The following ATP8A1 variants were observed in gnomAD, a reference collection of about 807,000 sequenced individuals.
ATP8A1 encodes ATPase phospholipid transporting 8A1.
Under a neutral mutation model 177.7 loss-of-function variants are expected in ATP8A1, and 90 were observed. That is an observed-to-expected ratio of 0.51 (90% CI 0.43 to 0.60). The LOEUF (loss-of-function observed/expected upper bound fraction) is 0.60. Among genes scored for constraint, ATP8A1 ranks in the 20% least tolerant of loss-of-function variants. The probability of loss-of-function intolerance (pLI) is 0.00; values close to 1 mark genes in which losing one functional copy is unlikely to be tolerated. For missense variants in ATP8A1, 1,072 were observed against 1,392.8 expected (o/e 0.77, Z 3.67); for synonymous variants, 493 against 485.9 (o/e 1.01, Z -0.19).
intron 33 of ATP8A1, among the ~76,000 whole-genome samples, chr4:42,430,954 C>G (rs1444413041): frequency 6.6e-6 from 1 of 152,058 alleles, no homozygotes; most frequent in Non-Finnish European, 1.5e-5. Context: ...CACCCCACCC[C>G]ATCCTCTCCC....
At chr4:42,471,875 G>C (rs753674223) in intron 25 of ATP8A1, 2 of 619,422 alleles carry the variant, frequency 3.2e-6, no homozygotes, top group South Asian at 2.8e-5. Flanking sequence ...TAAGAGTCCG[G>C]CATCTTTCAG....
At chr4:42,607,812 T>C (rs901092289) in intron 5 of ATP8A1, among the ~76,000 whole-genome samples, 1 of 151,238 alleles carries the variant, frequency 6.6e-6, no homozygotes, top group African/African-American at 2.4e-5. Context: ...TTTAGGAAGA[T>C]GACATTCCTC....
intron 1 of ATP8A1, among the ~76,000 whole-genome samples, chr4:42,646,428 G>A (rs1740542304): frequency 1.3e-5 from 2 of 152,176 alleles, no homozygotes; most frequent in Admixed American, 6.5e-5. Flanking sequence ...TTGAGGAAGG[G>A]ACACGGGAAA....
At chr4:42,435,450 C>CA (rs11306070) in intron 33 of ATP8A1, among the ~76,000 whole-genome samples, 86 of 116,984 alleles carry the variant, frequency 7.4e-4, no homozygotes, top group Middle Eastern at 4.7e-3. Context: ...AAAAAAAAAA[C>CA]AAAAAAAAAA....
chr4:42,462,333 GC>G (rs1719260308), intron 27 of ATP8A1, among the ~76,000 whole-genome samples: 1 of 152,220 alleles, frequency 6.6e-6, no homozygotes, highest in Non-Finnish European at 1.5e-5. Flanking sequence ...TCTGGGCCAG[GC>G]CCAGGGTACA....
chr4:42,568,877 C>G (rs554458676), intron 15 of ATP8A1, among the ~76,000 whole-genome samples: 4 of 152,118 alleles, frequency 2.6e-5, no homozygotes, highest in Admixed American at 1.3e-4. Context: ...CTGAGGTAGT[C>G]CAAAGCCCAC....
intron 18 of ATP8A1, among the ~76,000 whole-genome samples, chr4:42,549,345 C>T (rs41265689): frequency 0.038 from 5,711 of 151,916 alleles, 141 homozygotes; most frequent in South Asian, 0.082. Context: ...AAAGGGATGT[C>T]GTAAGGAAAG....
intron 5 of ATP8A1, among the ~76,000 whole-genome samples, chr4:42,615,450 T>TA (rs879716026): frequency 8.0e-4 from 118 of 146,730 alleles, no homozygotes; most frequent in East Asian, 1.6e-3. Context: ...TCCTGGGCAT[T>TA]AAAAAAAAAA....
At chr4:42,628,911 T>C (rs1242633068) in intron 1 of ATP8A1, among the ~76,000 whole-genome samples, 1 of 152,218 alleles carries the variant, frequency 6.6e-6, no homozygotes, top group Non-Finnish European at 1.5e-5. Flanking sequence ...GAGTGTTGTA[T>C]CTACTTTATG....
At chr4:42,633,195 T>A (rs180938927) in intron 1 of ATP8A1, among the ~76,000 whole-genome samples, 5 of 152,312 alleles carry the variant, frequency 3.3e-5, no homozygotes, top group Admixed American at 3.3e-4. Flanking sequence ...CACCTACTGA[T>A]CAGTGACTAC....
Position 42,657,038 on chromosome 4 carries a change from G to A in ATP8A1, c.-165C>T. ...CCGCCGGGCGCGGCCCCCGCACGCC[G>A]ACAGGAGGAGGAGAAAGGCAGCGGT... On this transcript the variant is annotated 5_prime_UTR_variant, in exon 1 of 37. Transcript: ENST00000381668. 2 of 617,038 alleles carry A rather than the reference G, an allele frequency of 3.2e-6. No homozygotes were observed. The highest frequency in any genetic ancestry group is 4.7e-6 in the Non-Finnish European group (2 of 426,550). The allele number at this position is 617,038 out of a possible 1,614,324, so 38.2% of individuals were successfully genotyped here.
At chr4:42,654,100 C>T (rs891703408) in intron 1 of ATP8A1, among the ~76,000 whole-genome samples, 15 of 152,192 alleles carry the variant, frequency 9.9e-5, no homozygotes, top group African/African-American at 3.6e-4. Flanking sequence ...TAACAAGATC[C>T]TCAGGTGATT....
chr4:42,594,874 G>GTCTGCAAATCCTGAT (rs1358078814), intron 6 of ATP8A1, among the ~76,000 whole-genome samples: 1 of 152,108 alleles, frequency 6.6e-6, no homozygotes, highest in African/African-American at 2.4e-5. Flanking sequence ...ACATTTGACT[G>GTCTGCAAATCCTGAT]TCTGCAAATC....
At chr4:42,514,740 A>T (rs949777603) in intron 22 of ATP8A1, among the ~76,000 whole-genome samples, 2 of 152,214 alleles carry the variant, frequency 1.3e-5, no homozygotes, top group African/African-American at 2.4e-5. Flanking sequence ...ATCTGGAATT[A>T]AGACAGAACA....
At chr4:42,569,057 A>T (rs6845603) in intron 15 of ATP8A1, 104 bp downstream of exon 15, 475,342 of 484,566 alleles carry the variant, frequency 0.98, 233,347 homozygotes, top group East Asian at 1. Flanking sequence ...TATTTTATTT[A>T]TATATATATA....
chr4:42,502,250 A>G (rs771362441), intron 24 of ATP8A1, among the ~76,000 whole-genome samples: 7 of 152,186 alleles, frequency 4.6e-5, no homozygotes, highest in Non-Finnish European at 8.8e-5. Context: ...TCTGGTAGAA[A>G]CAGGCAGTCC....
intron 14 of ATP8A1, among the ~76,000 whole-genome samples, chr4:42,571,953 G>T (rs185520272): frequency 2.6e-5 from 4 of 152,172 alleles, no homozygotes; most frequent in Admixed American, 1.3e-4. Flanking sequence ...TACAAACATG[G>T]AATACCCAGA....
chr4:42,563,076 T>C (rs1413142975), intron 15 of ATP8A1, among the ~76,000 whole-genome samples: 1 of 152,086 alleles, frequency 6.6e-6, no homozygotes, highest in Non-Finnish European at 1.5e-5. Context: ...TTGAAACAGT[T>C]TGGAGGGCTC....
At chr4:42,641,646 C>T (rs775257592) in intron 1 of ATP8A1, among the ~76,000 whole-genome samples, 1 of 152,134 alleles carries the variant, frequency 6.6e-6, no homozygotes, top group Non-Finnish European at 1.5e-5. Context: ...ACCCCATTGA[C>T]TTCAGTAGCA....
Sources: allele counts gnomAD v4.1 joint callset (sites outside exome capture counted in the v4.1 genomes callset), GRCh38; gene constraint gnomAD v4.1.1; transcripts MANE v1.5; gene names NCBI Gene and HGNC (gene_info 2026-07-23, HGNC 2026-07-21).